DIAPH2: variants seen among roughly 807,000 people sequenced by gnomAD.
The protein encoded by DIAPH2 is protein diaphanous homolog 2.
Under a neutral mutation model 92.7 loss-of-function variants are expected in DIAPH2, and 35 were observed. The observed-to-expected ratio is 0.38, with a 90% CI of 0.29 to 0.50. The LOEUF (loss-of-function observed/expected upper bound fraction) is 0.50, where lower values mean the gene tolerates loss of function less well. DIAPH2 is among the 20% of genes least tolerant of loss of function. DIAPH2 has a pLI of 0.94. For missense variants in DIAPH2, 701 were observed against 819.5 expected, an observed-to-expected ratio of 0.86 and a Z score of 1.77; for synonymous variants, 301 against 280.4, an observed-to-expected ratio of 1.07 and a Z score of -0.73.
chrX:97,263,900 T>TATTTA (rs1556013135), intron 23 of DIAPH2, among the ~76,000 whole-genome samples: 1 of 93,992 alleles, frequency 1.1e-5, no homozygotes, highest in African/African-American at 3.8e-5. Flanking sequence ...ACTGTTAGTT[T>TATTTA]TTTATTTATT....
chrX:97,357,903 G>A (rs1409942927), intron 24 of DIAPH2, among the ~76,000 whole-genome samples: 1 of 111,857 alleles, frequency 8.9e-6, no homozygotes, highest in Non-Finnish European at 1.9e-5. Flanking sequence ...TATGTGAACT[G>A]GGTCTGATCA....
chrX:97,210,962 A>G (rs913951995), intron 22 of DIAPH2, among the ~76,000 whole-genome samples: 32 of 112,222 alleles, frequency 2.9e-4, no homozygotes, highest in African/African-American at 9.7e-4. Flanking sequence ...GGCAAAGGAA[A>G]TGGACATGAC....
chrX:96,984,765 A>G (rs1229589853), intron 17 of DIAPH2, among the ~76,000 whole-genome samples: 1 of 111,784 alleles, frequency 8.9e-6, no homozygotes, highest in African/African-American at 3.2e-5. Context: ...CCAGAAATAT[A>G]CATGTGAGCT....
At chrX:96,887,974 T>C (rs868316362) in intron 5 of DIAPH2, among the ~76,000 whole-genome samples, 1 of 110,198 alleles carries the variant, frequency 9.1e-6, no homozygotes, top group Admixed American at 9.7e-5. Context: ...TGTGTATGTG[T>C]GTGTGTGTAT....
At chrX:96,768,184 A>C (rs1450483458) in intron 4 of DIAPH2, among the ~76,000 whole-genome samples, 1 of 112,698 alleles carries the variant, frequency 8.9e-6, no homozygotes, top group African/African-American at 3.2e-5. Context: ...CTGTGACAAA[A>C]AGTAAGAATT....
chrX:96,743,956 A>G (rs1213114760), intron 3 of DIAPH2, among the ~76,000 whole-genome samples: 1 of 109,957 alleles, frequency 9.1e-6, no homozygotes, highest in Non-Finnish European at 1.9e-5. Flanking sequence ...AATGCATACA[A>G]TTTTATCTGT....
At chrX:96,998,551 CTT>C (rs1459260293) in intron 17 of DIAPH2, among the ~76,000 whole-genome samples, 1 of 111,906 alleles carries the variant, frequency 8.9e-6, no homozygotes, top group Non-Finnish European at 1.9e-5. Context: ...TTTTAATTGT[CTT>C]TGATGATCAA....
intron 26 of DIAPH2, among the ~76,000 whole-genome samples, chrX:97,526,462 CAA>C (rs397896895): frequency 2.4e-4 from 14 of 58,805 alleles, no homozygotes; most frequent in Admixed American, 3.8e-4. Context: ...GAAGGAATGC[CAA>C]AAAAAAAAAA....
intron 11 of DIAPH2, among the ~76,000 whole-genome samples, chrX:96,938,016 G>A (rs1380591037): frequency 3.6e-5 from 4 of 111,350 alleles, no homozygotes; most frequent in Non-Finnish European, 7.6e-5. Flanking sequence ...TGGGAAACAT[G>A]TCAAAACCAA....
chrX:97,407,979 A>C (rs1214101678), intron 25 of DIAPH2, among the ~76,000 whole-genome samples: 1 of 111,693 alleles, frequency 9.0e-6, no homozygotes, highest in African/African-American at 3.3e-5. Context: ...ATTTAAGCAT[A>C]ATTTTTATTC....
chrX:97,444,541 G>A (rs952733109), intron 26 of DIAPH2, among the ~76,000 whole-genome samples: 3 of 111,195 alleles, frequency 2.7e-5, no homozygotes, highest in Non-Finnish European at 3.8e-5. Flanking sequence ...ATAATAAACC[G>A]ATAGATTATC....
chrX:97,497,733 G>T (rs1041223760), intron 26 of DIAPH2, among the ~76,000 whole-genome samples: 1 of 110,345 alleles, frequency 9.1e-6, no homozygotes, highest in Non-Finnish European at 1.9e-5. Flanking sequence ...TTGAACCCGG[G>T]AGTTGGAGGT....
intron 23 of DIAPH2, among the ~76,000 whole-genome samples, chrX:97,253,286 C>T (rs778544650): frequency 0.05 from 226 of 4,563 alleles, no homozygotes; most frequent in Non-Finnish European, 0.19. Flanking sequence ...AGTAGGACTC[C>T]GTAAAAAAAA....
chrX:96,838,909 A>G (rs976415948), intron 4 of DIAPH2, among the ~76,000 whole-genome samples: 3 of 111,908 alleles, frequency 2.7e-5, no homozygotes, highest in Non-Finnish European at 5.6e-5. Flanking sequence ...CATTATTTAA[A>G]TATGCTATCA....
At chrX:97,310,771 C>G (rs945030905) in intron 23 of DIAPH2, among the ~76,000 whole-genome samples, 2 of 111,265 alleles carry the variant, frequency 1.8e-5, no homozygotes, top group African/African-American at 6.5e-5. Flanking sequence ...CGCTTTGGGA[C>G]GCTGATGCGG....
intron 1 of DIAPH2, 44 bp downstream of exon 1, chrX:96,685,234 G>A: frequency 5.1e-6 from 5 of 977,853 alleles, no homozygotes; most frequent in South Asian, 5.2e-5. Flanking sequence ...GACAGGGAGA[G>A]CCCCGGGATC....
In DIAPH2 at chrX:97,397,720, C is replaced by T. The variant is rs909461953; in HGVS notation, c.3145+13676C>T. Among the ~76,000 whole-genome samples, 4 of 111,787 alleles carry T rather than the reference C, an allele frequency of 3.6e-5. No homozygotes were observed. In the South Asian group the frequency reaches 1.1e-3, roughly 31 times the overall value. ...CCCAATTTTTTAGCTAATAATTTTA[C>T]GCAGTTGAGTGTTTGAAGTTGAAGA... On this transcript the variant is annotated intron_variant, in intron 25 of 26. Transcript: ENST00000324765.
intron 24 of DIAPH2, among the ~76,000 whole-genome samples, chrX:97,376,707 A>G (rs2069504323): frequency 1.8e-5 from 2 of 112,263 alleles, no homozygotes; most frequent in African/African-American, 6.5e-5. Flanking sequence ...TTGCTTAATG[A>G]CAGGGATACA....
chrX:97,540,607 TGTAAA>T (rs753195110), intron 26 of DIAPH2, among the ~76,000 whole-genome samples: 4 of 112,314 alleles, frequency 3.6e-5, no homozygotes, highest in African/African-American at 1.3e-4. Flanking sequence ...AAAGTCATGT[TGTAAA>T]TTAAAAACGC....
Sources: allele counts gnomAD v4.1 joint callset (sites outside exome capture counted in the v4.1 genomes callset), GRCh38; gene constraint gnomAD v4.1.1; transcripts MANE v1.5; gene names NCBI Gene and HGNC (gene_info 2026-07-23, HGNC 2026-07-21).